Variants in CNTLN observed in about 807,000 individuals in gnomAD.
The protein encoded by CNTLN is centlein, centrosomal protein.
Under a neutral mutation model 180.0 loss-of-function variants are expected in CNTLN, and 212 were observed. The observed-to-expected ratio is 1.18, with a 90% CI of 1.05 to 1.32. The LOEUF is 1.32. Ranked by LOEUF, CNTLN falls within the 40% of genes most tolerant of loss-of-function variation. The pLI, the probability that CNTLN is intolerant of heterozygous loss-of-function variation, is 0.00. For missense variants in CNTLN, 2,095 were observed against 1,610.9 expected (o/e 1.30, Z -5.14); for synonymous variants, 722 against 563.1 (o/e 1.28, Z -3.99).
intron 16 of CNTLN, among the ~76,000 whole-genome samples, chr9:17,415,490 G>A (rs111691169): frequency 1.1e-4 from 16 of 152,220 alleles, no homozygotes; most frequent in African/African-American, 3.9e-4. Flanking sequence ...GCTGGTTTAA[G>A]TTCAGTGTAT....
intron 2 of CNTLN, 43 bp downstream of exon 2, chr9:17,143,419 A>G: frequency 1.4e-6 from 2 of 1,389,312 alleles, no homozygotes; most frequent in Non-Finnish European, 2.0e-6. Flanking sequence ...TGGTGTGTTG[A>G]GTTTGTTTCT....
chr9:17,289,377 C>T (rs1356690963), intron 6 of CNTLN, among the ~76,000 whole-genome samples: 2 of 104,554 alleles, frequency 1.9e-5, no homozygotes, highest in East Asian at 2.8e-4. Context: ...CCGAGAGATC[C>T]GCTGTTAGTC....
intron 8 of CNTLN, among the ~76,000 whole-genome samples, chr9:17,317,799 G>A (rs768741671): frequency 2.0e-5 from 3 of 152,266 alleles, no homozygotes; most frequent in South Asian, 2.1e-4. Flanking sequence ...GTAAGGAGGC[G>A]AGTGTGGCTA....
At chr9:17,335,872 G>T (rs976600784) in intron 10 of CNTLN, among the ~76,000 whole-genome samples, 3 of 148,158 alleles carry the variant, frequency 2.0e-5, no homozygotes, top group African/African-American at 7.5e-5. Flanking sequence ...AACCCAGGAG[G>T]CAGAGGTTGC....
intron 10 of CNTLN, among the ~76,000 whole-genome samples, chr9:17,339,757 TAGTC>T (rs1821329942): frequency 6.6e-6 from 1 of 152,224 alleles, no homozygotes; most frequent in South Asian, 2.1e-4. Flanking sequence ...ACACAGTTTA[TAGTC>T]ATGTGCATAT....
chr9:17,507,652 A>ATT (rs1833956811), downstream of CNTLN, among the ~76,000 whole-genome samples: 1 of 152,172 alleles, frequency 6.6e-6, no homozygotes, highest in Admixed American at 6.5e-5. Context: ...GATAAAAATG[A>ATT]CTTTTTTGTT....
intron 2 of CNTLN, among the ~76,000 whole-genome samples, chr9:17,212,943 C>G (rs575075273): frequency 2.3e-3 from 356 of 152,236 alleles, no homozygotes; most frequent in African/African-American, 7.9e-3. Context: ...ATTCTTCTCT[C>G]TTTTCTTCTT....
intron 5 of CNTLN, among the ~76,000 whole-genome samples, chr9:17,260,461 C>T (rs1258080111): frequency 2.0e-5 from 3 of 151,114 alleles, no homozygotes; most frequent in African/African-American, 7.4e-5. Flanking sequence ...TGTATGTCTT[C>T]TTTTGACAAG....
At chr9:17,190,509 ACCAGATATAAAAAGTT>A (rs1821727880) in intron 2 of CNTLN, among the ~76,000 whole-genome samples, 1 of 152,146 alleles carries the variant, frequency 6.6e-6, no homozygotes, top group African/African-American at 2.4e-5. Context: ...CATTTAAATT[ACCAGATATAAAAAGTT>A]TAGCACATTT....
At chr9:17,361,769 C>T (rs1327345022) in intron 12 of CNTLN, among the ~76,000 whole-genome samples, 3 of 152,344 alleles carry the variant, frequency 2.0e-5, no homozygotes, top group East Asian at 3.9e-4. Context: ...ATTAAGGGCT[C>T]TCTCTGTTTA....
At chr9:17,480,420 T>C (rs781413110) in intron 23 of CNTLN, among the ~76,000 whole-genome samples, 1 of 151,566 alleles carries the variant, frequency 6.6e-6, no homozygotes, top group South Asian at 2.1e-4. Flanking sequence ...AATGTAGAAA[T>C]TATGAAATGT....
intron 6 of CNTLN, among the ~76,000 whole-genome samples, chr9:17,291,564 C>A (rs1829409710): frequency 6.6e-6 from 1 of 152,018 alleles, no homozygotes. Context: ...ATGTAATGCC[C>A]CTCTTTGTCT....
chr9:17,288,461 G>C lies in CNTLN; in HGVS notation c.984-9729G>C, dbSNP rs563207772. ...TCAATTTTGGAATAGGTGTGGTGTG[G>C]TGCTGAAAAAAATGTATATTCTGTT... On this transcript the variant is annotated intron_variant, in intron 6 of 25. Coordinates refer to ENST00000380647, the MANE Select transcript of CNTLN (RefSeq NM_017738.4). 1.8e-4 allele frequency among the ~76,000 whole-genome samples: 26 copies of C among 142,788 alleles called. No individual in the cohort carries two copies. In the South Asian group the frequency reaches 3.5e-3, roughly 19 times the overall value. 93.7% of individuals were successfully genotyped at this position (142,788 alleles called of 152,430 possible).
chr9:17,484,511 G>T (rs1472562273), intron 24 of CNTLN, 31 bp downstream of exon 24: 4 of 1,522,344 alleles, frequency 2.6e-6, no homozygotes, highest in Admixed American at 2.1e-5. Context: ...ATTATTAAAG[G>T]GTTTATTATA....
chr9:17,328,931 A>G (rs1820472645), intron 8 of CNTLN, among the ~76,000 whole-genome samples: 2 of 151,990 alleles, frequency 1.3e-5, no homozygotes, highest in East Asian at 1.9e-4. Flanking sequence ...AAATGAATCC[A>G]TTATTATAGT....
At chr9:17,405,168 T>C (rs78778302) in intron 15 of CNTLN, among the ~76,000 whole-genome samples, 6,414 of 151,792 alleles carry the variant, frequency 0.042, 266 homozygotes, top group East Asian at 0.17. Flanking sequence ...TAGTTTGCCA[T>C]ACCATACTCT....
At chr9:17,389,943 G>A (rs1825967810) in intron 14 of CNTLN, among the ~76,000 whole-genome samples, 2 of 151,988 alleles carry the variant, frequency 1.3e-5, no homozygotes, top group East Asian at 1.9e-4. Context: ...CATGACTGGT[G>A]TCTTTATTTA....
intron 2 of CNTLN, among the ~76,000 whole-genome samples, chr9:17,222,668 G>A (rs906910582): frequency 2.0e-5 from 3 of 152,000 alleles, no homozygotes; most frequent in Admixed American, 6.6e-5. Flanking sequence ...TCTCGGGTAT[G>A]TCTTTATCAG....
At chr9:17,291,599 T>C (rs1829413457) in intron 6 of CNTLN, among the ~76,000 whole-genome samples, 1 of 152,202 alleles carries the variant, frequency 6.6e-6, no homozygotes, top group African/African-American at 2.4e-5. Context: ...TGGTTTAAAG[T>C]CTATTTTGTC....
Sources: allele counts gnomAD v4.1 joint callset (sites outside exome capture counted in the v4.1 genomes callset), GRCh38; gene constraint gnomAD v4.1.1; transcripts MANE v1.5; gene names NCBI Gene and HGNC (gene_info 2026-07-23, HGNC 2026-07-21).